The following CCDC73 variants were observed in gnomAD, a reference collection of about 807,000 sequenced individuals.
CCDC73 encodes the protein coiled-coil domain containing 73, also known as coiled-coil domain-containing protein 73.
CCDC73 carries 95 observed loss-of-function variants against 116.5 expected under a neutral mutation model. The ratio of observed to expected loss-of-function variants is 0.82; its 90% CI spans 0.69 to 0.97. The LOEUF is 0.97. CCDC73 is among the 50% of genes least tolerant of loss of function. CCDC73 has a pLI of 0.00. For missense variants in CCDC73, 1,066 were observed against 1,206.8 expected (o/e 0.88, Z 1.73); for synonymous variants, 398 against 401.3 (o/e 0.99, Z 0.10).
intron 12 of CCDC73, among the ~76,000 whole-genome samples, chr11:32,646,524 A>T (rs1855780361): frequency 6.6e-6 from 1 of 152,212 alleles, no homozygotes; most frequent in African/African-American, 2.4e-5. Context: ...TTTTCCCAAC[A>T]TCTGAAGGCA....
intron 7 of CCDC73, among the ~76,000 whole-genome samples, chr11:32,678,882 CAAAAA>C (rs55859897): frequency 7.6e-6 from 1 of 131,296 alleles, no homozygotes; most frequent in African/African-American, 2.9e-5. Context: ...GGCTCCGTCA[CAAAAA>C]AAAAAAAAAA....
chr11:32,681,750 G>A (rs914562034), intron 7 of CCDC73: 6 of 151,756 alleles, frequency 4.0e-5, no homozygotes, highest in African/African-American at 1.5e-4. Context: ...AATAAAATAA[G>A]ATTAACTGAA....
At chr11:32,830,423 A>G in the CCDC73 span, 1 of 1,137,038 alleles carries the variant, frequency 8.8e-7, no homozygotes, top group South Asian at 2.0e-5. Context: ...TTTGAGTACA[A>G]CAGGTTGGTG....
At chr11:32,640,915 G>A (rs1404062040) in intron 13 of CCDC73, among the ~76,000 whole-genome samples, 1 of 152,026 alleles carries the variant, frequency 6.6e-6, no homozygotes, top group Non-Finnish European at 1.5e-5. Flanking sequence ...TACTCAGGAG[G>A]CGAGGCAGGA....
intron 7 of CCDC73, among the ~76,000 whole-genome samples, chr11:32,679,016 A>AT (rs1182906753): frequency 6.6e-6 from 1 of 152,048 alleles, no homozygotes; most frequent in South Asian, 2.1e-4. Flanking sequence ...TTTCAAAGCT[A>AT]TTTTTTAATG....
chr11:32,639,040 C>T (rs1476074142), intron 13 of CCDC73, among the ~76,000 whole-genome samples: 2 of 151,236 alleles, frequency 1.3e-5, no homozygotes, highest in Non-Finnish European at 2.9e-5. Flanking sequence ...CCCAGCTACT[C>T]GGGAGGCTGA....
rs759995050 is a variant in CCDC73, at chr11:32,614,551, G to A, written c.1767C>T (p.His589=). 1 of 1,612,766 alleles carries A rather than the reference G, an allele frequency of 6.2e-7. No individual in the cohort carries two copies. Among genetic ancestry groups the A allele is most frequent in the Non-Finnish European group, 8.5e-7 (1 of 1,179,228 alleles). ...ILNETAHNTY[H]NNNKDVSENE... is the part of the protein sequence containing the mutation. ...TTTCAGAAACATCTTTATTATTATT[G>A]TGATATGTATTGTGTGCTGTCTCAT... The change falls in exon 16 of 18, where the codon CAC becomes CAT. Residue 589 remains histidine, a synonymous_variant. Coordinates refer to ENST00000335185, the MANE Select transcript of CCDC73 (RefSeq NM_001008391.4).
At chr11:32,683,047 C>T (rs1269343689) in intron 7 of CCDC73, 1 of 155,268 alleles carries the variant, frequency 6.4e-6, no homozygotes, top group East Asian at 1.9e-4. Flanking sequence ...AAGACCCTAA[C>T]AATAATTTGG....
intron 2 of CCDC73, 44 bp downstream of exon 2, chr11:32,760,059 ACAAAAT>A (rs141777895): frequency 0.049 from 72,440 of 1,490,570 alleles, 1,964 homozygotes; most frequent in African/African-American, 0.068. Flanking sequence ...AATAAACTGA[ACAAAAT>A]CAAGTTTTCT....
chr11:32,637,053 T>C (rs1392777128), intron 13 of CCDC73, among the ~76,000 whole-genome samples: 1 of 129,816 alleles, frequency 7.7e-6, no homozygotes, highest in Non-Finnish European at 1.6e-5. Flanking sequence ...GGAGTCTCAC[T>C]CTGTTGCCCA....
intron 17 of CCDC73, among the ~76,000 whole-genome samples, chr11:32,608,397 C>G (rs968396100): frequency 6.6e-6 from 1 of 152,154 alleles, no homozygotes; most frequent in African/African-American, 2.4e-5. Flanking sequence ...AACAAAGGGT[C>G]TACAGGCCCT....
chr11:32,689,083 C>T (rs540491118), intron 6 of CCDC73, among the ~76,000 whole-genome samples: 20 of 152,084 alleles, frequency 1.3e-4, no homozygotes, highest in Non-Finnish European at 2.5e-4. Flanking sequence ...GAAAGGAAGA[C>T]TAGAAGAACT....
the CCDC73 span, among the ~76,000 whole-genome samples, chr11:32,800,477 T>C: frequency 6.6e-6 from 1 of 152,192 alleles, no homozygotes; most frequent in East Asian, 1.9e-4. Context: ...ATACTCTTAA[T>C]AAGACTTTTG....
At chr11:32,631,179 C>T (rs1855627838) in intron 14 of CCDC73, among the ~76,000 whole-genome samples, 1 of 152,160 alleles carries the variant, frequency 6.6e-6, no homozygotes, top group Non-Finnish European at 1.5e-5. Context: ...AACACAGACA[C>T]AGATACACAC....
the CCDC73 span, among the ~76,000 whole-genome samples, chr11:32,821,919 G>C: frequency 6.6e-6 from 1 of 152,084 alleles, no homozygotes; most frequent in Admixed American, 6.6e-5. Context: ...AGAACATTTT[G>C]AACTAAAAAT....
chr11:32,642,008 A>G lies in CCDC73; in HGVS notation c.1014T>C (p.Asn338=), dbSNP rs372178097. ...ENEEKFLNLQ[N]EHEKALGTWK... ...AAGTTCCTAGTGCTTTTTCATGCTCATTTTGAAGATTAAGAAACTTTTCTT... is the reference window on the plus strand; with the variant it reads ...AAGTTCCTAGTGCTTTTTCATGCTCGTTTTGAAGATTAAGAAACTTTTCTT... The change falls in exon 13 of 18, where the codon AAT becomes AAC. Residue 338 remains asparagine, a synonymous_variant. Coordinates refer to ENST00000335185, the MANE Select transcript of CCDC73 (RefSeq NM_001008391.4). 64 of 1,561,910 alleles carry G rather than the reference A, an allele frequency of 4.1e-5. No individual in the cohort carries two copies. The highest frequency in any genetic ancestry group is 9.5e-6 in the Non-Finnish European group (11 of 1,152,554).
intron 2 of CCDC73, among the ~76,000 whole-genome samples, chr11:32,731,989 G>A (rs935022305): frequency 6.6e-5 from 10 of 152,222 alleles, no homozygotes; most frequent in East Asian, 1.9e-4. Flanking sequence ...GAGCATGTTC[G>A]AACCCATCGC....
At chr11:32,642,596 A>G (rs906485623) in intron 12 of CCDC73, among the ~76,000 whole-genome samples, 5 of 152,018 alleles carry the variant, frequency 3.3e-5, no homozygotes, top group Admixed American at 3.3e-4. Context: ...AACATAACAG[A>G]ATCACTACCA....
At chr11:32,787,121 C>T (rs189078694) in intron 1 of CCDC73, among the ~76,000 whole-genome samples, 31 of 152,262 alleles carry the variant, frequency 2.0e-4, no homozygotes, top group South Asian at 4.1e-4. Flanking sequence ...AATTAAAGGA[C>T]ACCATCCATA....
Sources: allele counts gnomAD v4.1 joint callset (sites outside exome capture counted in the v4.1 genomes callset), GRCh38; gene constraint gnomAD v4.1.1; transcripts MANE v1.5; gene names NCBI Gene and HGNC (gene_info 2026-07-23, HGNC 2026-07-21).